The following PRKAG2 variants were observed in gnomAD, a reference collection of about 807,000 sequenced individuals.
PRKAG2 encodes protein kinase AMP-activated non-catalytic subunit gamma 2.
PRKAG2 carries 26 observed loss-of-function variants against 69.6 expected under a neutral mutation model. The observed-to-expected ratio is 0.37, with a 90% CI of 0.27 to 0.52. The LOEUF is 0.52. PRKAG2 is among the 20% of genes least tolerant of loss of function. PRKAG2 has a pLI of 0.90. For synonymous variants in PRKAG2, 293 were observed against 285.0 expected (o/e 1.03, Z -0.28); for missense variants, 557 against 740.0 (o/e 0.75, Z 2.87).
At chr7:151,558,262 G>C (rs551123355) in intron 15 of PRKAG2, 105 of 985,318 alleles carry the variant, frequency 1.1e-4, no homozygotes, top group Non-Finnish European at 1.3e-4. Flanking sequence ...CCGATGAAAA[G>C]AATCACCACT....
intron 1 of PRKAG2, among the ~76,000 whole-genome samples, chr7:151,818,031 T>A (rs1387553317): frequency 6.6e-6 from 1 of 152,158 alleles, no homozygotes; most frequent in East Asian, 1.9e-4. Context: ...GCCTATAACA[T>A]CTGAAATAAA....
chr7:151,633,606 A>G (rs1825202978), intron 4 of PRKAG2, among the ~76,000 whole-genome samples: 1 of 151,912 alleles, frequency 6.6e-6, no homozygotes, highest in Non-Finnish European at 1.5e-5. Flanking sequence ...ATTTCTATAA[A>G]CTAACAATGA....
At chr7:151,714,573 G>GA (rs968616976) in intron 3 of PRKAG2, among the ~76,000 whole-genome samples, 1 of 150,630 alleles carries the variant, frequency 6.6e-6, no homozygotes, top group Non-Finnish European at 1.5e-5. Flanking sequence ...GGTGAACAGA[G>GA]AAAAAAACTA....
At chr7:151,802,042 A>G (rs573969874) in intron 1 of PRKAG2, among the ~76,000 whole-genome samples, 90 of 152,212 alleles carry the variant, frequency 5.9e-4, no homozygotes, top group Admixed American at 2.0e-4. Context: ...GGCTGCTGAG[A>G]GGCAGAAGGA....
At chr7:151,617,652 A>C (rs1013800682) in intron 5 of PRKAG2, among the ~76,000 whole-genome samples, 2 of 152,110 alleles carry the variant, frequency 1.3e-5, no homozygotes, top group African/African-American at 4.8e-5. Context: ...ACAGAAAAAA[A>C]CCCCCATATT....
At chr7:151,592,245 C>T (rs1250115161) in intron 6 of PRKAG2, among the ~76,000 whole-genome samples, 3 of 152,244 alleles carry the variant, frequency 2.0e-5, no homozygotes, top group African/African-American at 7.2e-5. Flanking sequence ...TGGCACTGCA[C>T]AGTGTGGCTC....
At chr7:151,846,440 C>T (rs2079434257) in intron 1 of PRKAG2, among the ~76,000 whole-genome samples, 1 of 149,530 alleles carries the variant, frequency 6.7e-6, no homozygotes, top group African/African-American at 2.5e-5. Context: ...TGCACTCCAG[C>T]CTGACGACAG....
At position 151,699,737 on chromosome 7, in the gene PRKAG2, C is replaced by T. The variant is rs1483023069; in HGVS notation, c.467-24100G>A. Among the ~76,000 whole-genome samples, 3 of 152,154 alleles carry T rather than the reference C, an allele frequency of 2.0e-5. No homozygotes were observed. Among genetic ancestry groups the T allele is most frequent in the Non-Finnish European group, 4.4e-5 (3 of 68,040 alleles). On this transcript the variant is annotated intron_variant, in intron 3 of 15. Coordinates refer to ENST00000287878, the MANE Select transcript of PRKAG2 (RefSeq NM_016203.4). This position sits in a 1 kb window ranked among gnomAD's most constrained non-coding sequence, Gnocchi z 4.5. ...TGCAGGAAGCATCTGATGGAGGACA[C>T]GTCAATCTTTTCATCAATCATTGAA... is the stretch of plus-strand genomic sequence containing the variant.
At chr7:151,848,647 C>T (rs2079496422) in intron 1 of PRKAG2, among the ~76,000 whole-genome samples, 1 of 150,518 alleles carries the variant, frequency 6.6e-6, no homozygotes, top group African/African-American at 2.4e-5. Context: ...GCCTCAGCCT[C>T]CTGAGTAGCT....
intron 3 of PRKAG2, among the ~76,000 whole-genome samples, chr7:151,683,223 G>T (rs1302042316): frequency 1.3e-5 from 2 of 152,204 alleles, no homozygotes; most frequent in East Asian, 3.9e-4. Flanking sequence ...ACAGGGCCTG[G>T]CCCTGCTGGC....
Position 151,581,273 on chromosome 7 carries a change from C to T in PRKAG2, c.865-4821G>A, listed in dbSNP as rs552600189. ...CTGCATGAAATGAAAATGGACTAAACGGTAATTAAATGCTATTCTAGGCAT... is the reference window on the plus strand; with the variant it reads ...CTGCATGAAATGAAAATGGACTAAATGGTAATTAAATGCTATTCTAGGCAT... On this transcript the variant is annotated intron_variant, in intron 6 of 15. Transcript: ENST00000287878. 1.6e-4 allele frequency among the ~76,000 whole-genome samples: 25 copies of T among 152,266 alleles called. No homozygotes were observed. In the East Asian group the frequency reaches 4.0e-3, roughly 25 times the overall value.
At chr7:151,795,789 G>A (rs1250237624) in intron 1 of PRKAG2, among the ~76,000 whole-genome samples, 1 of 145,928 alleles carries the variant, frequency 6.9e-6, no homozygotes, top group Non-Finnish European at 1.5e-5. Flanking sequence ...TCTGCCCAGT[G>A]GATTCGGGAC....
intron 1 of PRKAG2, among the ~76,000 whole-genome samples, chr7:151,838,991 G>A (rs2079213313): frequency 6.7e-6 from 1 of 149,588 alleles, no homozygotes; most frequent in African/African-American, 2.5e-5. Context: ...CTCCAGGCTG[G>A]GCAACAGAGT....
chr7:151,736,318 A>T (rs1791038963), intron 3 of PRKAG2: 1 of 1,153,098 alleles, frequency 8.7e-7, no homozygotes, highest in South Asian at 2.8e-5. Flanking sequence ...CGGAAGCGCA[A>T]ACAGAACTTC....
At chr7:151,769,180 AAAG>A (rs2075895501) in intron 3 of PRKAG2, among the ~76,000 whole-genome samples, 1 of 152,256 alleles carries the variant, frequency 6.6e-6, no homozygotes, top group Admixed American at 6.5e-5. Context: ...TCAGTCAAGC[AAAG>A]AAGAGAAGAC....
intron 1 of PRKAG2, among the ~76,000 whole-genome samples, chr7:151,854,175 C>CT (rs1320720524): frequency 6.6e-6 from 1 of 152,244 alleles, no homozygotes; most frequent in Admixed American, 6.5e-5. Flanking sequence ...GTTTATTTCT[C>CT]TAAAAAATCA....
intron 5 of PRKAG2, among the ~76,000 whole-genome samples, chr7:151,608,956 G>C (rs1302382219): frequency 6.6e-6 from 1 of 151,650 alleles, no homozygotes; most frequent in Middle Eastern, 3.2e-3. Context: ...CAAACTCCTT[G>C]GTTCAAGGGA....
chr7:151,712,204 G>A (rs976912554), intron 3 of PRKAG2, among the ~76,000 whole-genome samples: 1 of 152,184 alleles, frequency 6.6e-6, no homozygotes, highest in African/African-American at 2.4e-5. Flanking sequence ...CCCAGCCTCC[G>A]CCCGACCCTC....
rs865915409 is a variant in PRKAG2, at chr7:151,726,398, A to G, written c.467-50761T>C. ...CACACACACACACACACACACACAC[A>G]CACGCACACACACACAGAGCTGATG... On this transcript the variant is annotated intron_variant, in intron 3 of 15. Coordinates refer to ENST00000287878, the MANE Select transcript of PRKAG2 (RefSeq NM_016203.4). 9.7e-3 allele frequency among the ~76,000 whole-genome samples: 1,421 copies of G among 146,462 alleles called. 15 individuals carry two copies. Among genetic ancestry groups the G allele is most frequent in the African/African-American group, 0.033 (1,317 of 39,858 alleles).
Sources: allele counts gnomAD v4.1 joint callset (sites outside exome capture counted in the v4.1 genomes callset), GRCh38; gene constraint gnomAD v4.1.1; non-coding constraint Gnocchi (gnomAD v3.1); transcripts MANE v1.5; gene names NCBI Gene and HGNC (gene_info 2026-07-23, HGNC 2026-07-21).